Variants in LARGE1 observed in about 807,000 individuals in gnomAD.
The protein encoded by LARGE1 is LARGE xylosyl- and glucuronyltransferase 1, also known as xylosyl- and glucuronyltransferase LARGE1.
LARGE1 carries 43 observed loss-of-function variants against 87.6 expected under a neutral mutation model. The observed-to-expected ratio is 0.49, with a 90% CI of 0.38 to 0.63. The LOEUF is 0.63. Ranked by LOEUF, LARGE1 falls within the 30% of genes least tolerant of loss-of-function variation. LARGE1 has a pLI of 0.00. For synonymous variants in LARGE1, 434 were observed against 394.6 expected (o/e 1.10, Z -1.18); for missense variants, 802 against 1,000.2 (o/e 0.80, Z 2.67).
intron 1 of LARGE1, among the ~76,000 whole-genome samples, chr22:33,913,023 G>C (rs2065682380): frequency 6.6e-6 from 1 of 151,422 alleles, no homozygotes; most frequent in Non-Finnish European, 1.5e-5. Flanking sequence ...GTAGAGACAG[G>C]GTTTCACAAT....
the LARGE1 span, among the ~76,000 whole-genome samples, chr22:33,080,280 T>C: frequency 6.6e-6 from 1 of 152,186 alleles, no homozygotes; most frequent in Admixed American, 6.5e-5. Flanking sequence ...AGTAAGTTGG[T>C]ATATATGTGT....
At chr22:33,208,968 T>C (rs1250364828) in intron 11 of LARGE1, among the ~76,000 whole-genome samples, 1 of 152,240 alleles carries the variant, frequency 6.6e-6, no homozygotes. Context: ...ATCCAGTCTA[T>C]CATTGATGGG....
intron 1 of LARGE1, among the ~76,000 whole-genome samples, chr22:33,875,902 G>A (rs1569005325): frequency 6.6e-6 from 1 of 152,126 alleles, no homozygotes. Context: ...CGGGGGCCAG[G>A]AGCATGCTGC....
intron 6 of LARGE1, among the ~76,000 whole-genome samples, chr22:33,434,855 C>T (rs1011878649): frequency 6.6e-6 from 1 of 152,146 alleles, no homozygotes; most frequent in Non-Finnish European, 1.5e-5. Flanking sequence ...CCTGCCAATC[C>T]CCACCCACAA....
intron 11 of LARGE1, among the ~76,000 whole-genome samples, chr22:33,224,276 GAAAAGAA>G (rs1176831904): frequency 2.7e-5 from 4 of 150,466 alleles, no homozygotes; most frequent in Non-Finnish European, 5.9e-5. Flanking sequence ...AAAAGAAAAA[GAAAAGAA>G]AAAAGAAAAA....
chr22:33,245,840 C>G (rs193195208), intron 11 of LARGE1, among the ~76,000 whole-genome samples: 1 of 152,056 alleles, frequency 6.6e-6, no homozygotes, highest in African/African-American at 2.4e-5. Context: ...ACCTGGGAGG[C>G]GGAGGTTGCA....
At chr22:33,423,585 C>T (rs1407844614) in intron 7 of LARGE1, among the ~76,000 whole-genome samples, 5 of 149,546 alleles carry the variant, frequency 3.3e-5, no homozygotes, top group African/African-American at 4.9e-5. Flanking sequence ...GAGGCTGAGG[C>T]GCGGGAATGG....
At position 33,398,197 on chromosome 22, in the gene LARGE1, T is replaced by C. The variant is rs980594417; in HGVS notation, c.893-13893A>G. Among the ~76,000 whole-genome samples, 5 of 151,962 alleles carry C rather than the reference T, an allele frequency of 3.3e-5. No homozygotes were observed. The East Asian group carries it at 5.8e-4, about 18-fold the overall frequency. On this transcript the variant is annotated intron_variant, in intron 7 of 14. Transcript: ENST00000397394. ...CCTGCTGCCTACTTTGCTAGTCTTT[T>C]CTGGAATCTATATTAAGCTAGAAAA...
Position 33,273,947 on chromosome 22 carries a change from A to G in LARGE1, c.*480T>C, listed in dbSNP as rs1928636460. On this transcript the variant is annotated 3_prime_UTR_variant, in exon 15 of 15. Coordinates refer to ENST00000397394, the MANE Select transcript of LARGE1 (RefSeq NM_133642.5). ...GATCATCGGTTTGCCCTCCGTTTGA[A>G]TGCCCAGCTACATTGCAGGGCAAAG... 1 of 341,472 alleles carries G rather than the reference A, an allele frequency of 2.9e-6. No individual in the cohort carries two copies. Among genetic ancestry groups the G allele is most frequent in the Non-Finnish European group, 5.3e-6 (1 of 189,534 alleles). The allele number at this position is 341,472 out of a possible 1,614,324, so 21.2% of individuals were successfully genotyped here.
At chr22:33,507,751 C>T (rs770393397) in intron 6 of LARGE1, among the ~76,000 whole-genome samples, 86 of 152,106 alleles carry the variant, frequency 5.7e-4, no homozygotes, top group Non-Finnish European at 1.0e-3. Flanking sequence ...TTCTGAAGCA[C>T]GGTGTTCTGG....
At chr22:33,714,064 T>C (rs539819516) in intron 2 of LARGE1, among the ~76,000 whole-genome samples, 2 of 151,388 alleles carry the variant, frequency 1.3e-5, no homozygotes, top group Non-Finnish European at 1.5e-5. Context: ...TGGTCAATAA[T>C]GAAAGCAGAA....
At chr22:33,200,580 G>A (rs954140701) in intron 11 of LARGE1, among the ~76,000 whole-genome samples, 19 of 152,168 alleles carry the variant, frequency 1.2e-4, no homozygotes, top group Non-Finnish European at 2.5e-4. Context: ...TCAAAAAGGA[G>A]AAAAAACTGG....
chr22:33,329,721 C>T (rs547461794), intron 10 of LARGE1, among the ~76,000 whole-genome samples: 21 of 152,180 alleles, frequency 1.4e-4, no homozygotes, highest in Admixed American at 4.6e-4. Flanking sequence ...ACTAAAGGAA[C>T]GGCATACACT....
chr22:33,138,790 G>C, the LARGE1 span, among the ~76,000 whole-genome samples: 2 of 152,062 alleles, frequency 1.3e-5, no homozygotes, highest in African/African-American at 4.8e-5. Context: ...TGAGACTTTG[G>C]GGGATGGTTT....
chr22:33,120,431 T>C, the LARGE1 span, among the ~76,000 whole-genome samples: 1 of 149,800 alleles, frequency 6.7e-6, no homozygotes, highest in African/African-American at 2.5e-5. Flanking sequence ...TCTTTCTCTC[T>C]CTCTCCTTCC....
At chr22:33,851,936 C>T (rs551558534) in intron 1 of LARGE1, among the ~76,000 whole-genome samples, 1 of 152,270 alleles carries the variant, frequency 6.6e-6, no homozygotes, top group African/African-American at 2.4e-5. Flanking sequence ...AGTGATCTTG[C>T]TTTTATCTGT....
At chr22:33,429,816 G>C (rs2067014733) in intron 7 of LARGE1, among the ~76,000 whole-genome samples, 1 of 152,156 alleles carries the variant, frequency 6.6e-6, no homozygotes, top group African/African-American at 2.4e-5. Flanking sequence ...GGGGTGACTA[G>C]TCGTTTGCCA....
At chr22:33,130,037 A>C in the LARGE1 span, among the ~76,000 whole-genome samples, 6 of 152,292 alleles carry the variant, frequency 3.9e-5, no homozygotes, top group South Asian at 1.2e-3. Context: ...TTTTAGGGCC[A>C]GGTACAGTGG....
Position 33,360,797 on chromosome 22 carries a change from C to T in LARGE1, c.1131+21122G>A, listed in dbSNP as rs537517397. On this transcript the variant is annotated intron_variant, in intron 9 of 14. Transcript: ENST00000397394. ...TGCAGTTTTCCTGCCCAGCCCACCG[C>T]CACTGGGCTGTACGAAGGCAGGTAT... Among the ~76,000 whole-genome samples, 489 of 149,970 alleles carry T rather than the reference C, an allele frequency of 3.3e-3. 25 individuals carry two copies. Among genetic ancestry groups the T allele is most frequent in the African/African-American group, 0.012 (471 of 40,812 alleles).
Sources: allele counts gnomAD v4.1 joint callset (sites outside exome capture counted in the v4.1 genomes callset), GRCh38; gene constraint gnomAD v4.1.1; transcripts MANE v1.5; gene names NCBI Gene and HGNC (gene_info 2026-07-23, HGNC 2026-07-21).